The following GCNT3 variants were observed in gnomAD, a reference collection of about 807,000 sequenced individuals.
GCNT3 encodes the protein glucosaminyl (N-acetyl) transferase 3, mucin type.
For missense variants in GCNT3, 708 were observed against 530.3 expected (o/e 1.34, Z -3.29); for synonymous variants, 269 against 195.2 (o/e 1.38, Z -3.15).
chr15:59,618,231 C>T lies in GCNT3; in HGVS notation c.-8C>T, dbSNP rs747528049. On this transcript the variant is annotated 5_prime_UTR_variant, in exon 3 of 3. Coordinates refer to ENST00000396065, the MANE Select transcript of GCNT3 (RefSeq NM_004751.3). ...GCTCGGTCTCCACCTGTCTCCCATT[C>T]TGTGACGATGGTTCAATGGAAGAGA... 9 of 1,508,242 alleles carry T rather than the reference C, an allele frequency of 6.0e-6. No individual in the cohort carries two copies. The Admixed American group carries it at 1.5e-4, about 26-fold the overall frequency. 93.4% of individuals were successfully genotyped at this position (1,508,242 alleles called of 1,614,324 possible).
Position 59,618,994 on chromosome 15 carries a change from G to T in GCNT3, c.756G>T (p.Met252Ile). Reference sequence around the variant, plus strand: ...AGATGTTGAATGGGAGGAATAGCATGGAGTCAGAGGTACCTCCTAAGCACA... The same window carrying T: ...AGATGTTGAATGGGAGGAATAGCATTGAGTCAGAGGTACCTCCTAAGCACA... ...ALKMLNGRNS[M>I]ESEVPPKHKE... Residue 252 changes from methionine to isoleucine, a missense_variant, in exon 3 of 3, where the codon ATG becomes ATT. Coordinates refer to ENST00000396065, the MANE Select transcript of GCNT3 (RefSeq NM_004751.3). 1 of 1,614,096 alleles carries T rather than the reference G, an allele frequency of 6.2e-7. No homozygotes were observed. Among genetic ancestry groups the T allele is most frequent in the African/African-American group, 1.3e-5 (1 of 75,010 alleles).
chr15:59,612,174 T>C (rs1295689316), intron 1 of GCNT3, among the ~76,000 whole-genome samples, 193 bp downstream of exon 1: 1 of 152,220 alleles, frequency 6.6e-6, no homozygotes, highest in Admixed American at 6.6e-5. Context: ...CCTAGCTTAG[T>C]TTCTCTGTTT....
In GCNT3 at chr15:59,616,085, T is replaced by TA. The variant is rs1185373256; in HGVS notation, c.-250-607_-250-606insA. On this transcript the variant is annotated intron_variant, in intron 1 of 2. Coordinates refer to ENST00000396065, the MANE Select transcript of GCNT3 (RefSeq NM_004751.3). Reference sequence around the variant, plus strand: ...AACAGCCCATAGTGTAATCCATTCCTTAGACTGCCAACAGCTCTAGACTCA... The same window carrying TA: ...AACAGCCCATAGTGTAATCCATTCCTATAGACTGCCAACAGCTCTAGACTCA... Among the ~76,000 whole-genome samples the TA allele has an allele frequency of 1.7e-4, 26 of 152,294 alleles. No individual in the cohort carries two copies. The East Asian group carries it at 2.9e-3, about 17-fold the overall frequency.
intron 1 of GCNT3, 79 bp from the exon 2 acceptor site, chr15:59,616,613 C>G (rs1343352803): frequency 6.6e-6 from 1 of 152,228 alleles, no homozygotes; most frequent in Non-Finnish European, 1.5e-5. Flanking sequence ...TGCATGATTT[C>G]TCTGAGCTTG....
chr15:59,620,199 G>A lies in GCNT3; in HGVS notation c.*644G>A, dbSNP rs1219629867. Reference sequence around the variant, plus strand: ...AATTTTTTTTTTGAGACAGAGTCTTGCTCTGTCACCCAGGCTGGACTGCAG... The same window carrying A: ...AATTTTTTTTTTGAGACAGAGTCTTACTCTGTCACCCAGGCTGGACTGCAG... On this transcript the variant is annotated 3_prime_UTR_variant, in exon 3 of 3. Coordinates refer to ENST00000396065, the MANE Select transcript of GCNT3 (RefSeq NM_004751.3). 61 of 165,830 alleles carry A rather than the reference G, an allele frequency of 3.7e-4. No individual in the cohort carries two copies. The highest frequency in any genetic ancestry group is 2.6e-4 in the Non-Finnish European group (18 of 68,140). 10.3% of individuals were successfully genotyped at this position (165,830 alleles called of 1,614,324 possible).
In GCNT3 at chr15:59,622,521, C is replaced by T. The variant is rs1404629834; in HGVS notation, c.*2966C>T. ...AGTGGTGATCGATCACGGCCTCCCC[C>T]TGCTGGCTGATGTGATGGTCCTTGG... On this transcript the variant is annotated 3_prime_UTR_variant, in exon 3 of 3. Transcript: ENST00000396065. 1 of 152,102 alleles carries T rather than the reference C, an allele frequency of 6.6e-6. No homozygotes were observed. The highest frequency in any genetic ancestry group is 1.5e-5 in the Non-Finnish European group (1 of 68,052). The allele number at this position is 152,102 out of a possible 1,614,324, so 9.4% of individuals were successfully genotyped here.
rs757351680 is a variant in GCNT3 at position 59,619,260 on chromosome 15, G to A, written c.1022G>A (p.Trp341Ter). The A allele has an allele frequency of 2.4e-5, 39 of 1,614,004 alleles. No homozygotes were observed. The highest frequency in any genetic ancestry group is 3.3e-5 in the Non-Finnish European group (39 of 1,180,038). Residue 341 changes from tryptophan to a stop codon, truncating the protein, a stop_gained, in exon 3 of 3, where the codon TGG (tryptophan) becomes TAG (stop). Transcript: ENST00000396065. LOFTEE classifies it low-confidence loss of function (END_TRUNC). ...HLWATLQRAR[W>*]MPGSVPNHPK... ...TGGGCCACCCTTCAGCGTGCACGGT[G>A]GATGCCTGGCTCTGTTCCCAACCAC...
rs1340502049 is a variant in GCNT3, at chr15:59,618,451, A to G, written c.213A>G (p.Ser71=). 3.7e-6 allele frequency: 6 copies of G among 1,613,822 alleles called. No homozygotes were observed. The highest frequency in any genetic ancestry group is 3.4e-6 in the Non-Finnish European group (4 of 1,179,806). Reference sequence around the variant, plus strand: ...CAGCAAAGAGGTCTATCAACTGTTCAGGGGTCACCCGAGGGGACCAAGAGG... The same window carrying G: ...CAGCAAAGAGGTCTATCAACTGTTCGGGGGTCACCCGAGGGGACCAAGAGG... ...KLPAKRSINC[S]GVTRGDQEAV... Residue 71 remains serine, a synonymous_variant, in exon 3 of 3, where the codon TCA becomes TCG. Coordinates refer to ENST00000396065, the MANE Select transcript of GCNT3 (RefSeq NM_004751.3).
rs746241614 is a variant in GCNT3, at chr15:59,618,978, A to G, written c.740A>G (p.Asn247Ser). The G allele has an allele frequency of 2.5e-6, 4 of 1,614,142 alleles. No homozygotes were observed. The East Asian group carries it at 8.9e-5, about 36-fold the overall frequency. ...AEMVQALKML[N>S]GRNSMESEVP... is the part of the protein sequence containing the mutation. ...ATGGTCCAGGCTCTCAAGATGTTGA[A>G]TGGGAGGAATAGCATGGAGTCAGAG... Residue 247 changes from asparagine to serine, a missense_variant, in exon 3 of 3, where the codon AAT becomes AGT. Coordinates refer to ENST00000396065, the MANE Select transcript of GCNT3 (RefSeq NM_004751.3).
intron 1 of GCNT3, among the ~76,000 whole-genome samples, chr15:59,613,533 ACAAT>A (rs1566904327): frequency 9.6e-6 from 1 of 104,550 alleles, no homozygotes; most frequent in African/African-American, 3.8e-5. Flanking sequence ...CTCCATCTCT[ACAAT>A]AAATAAATAA....
chr15:59,613,632 A>G (rs1366162314), intron 1 of GCNT3, among the ~76,000 whole-genome samples: 1 of 152,168 alleles, frequency 6.6e-6, no homozygotes, highest in Non-Finnish European at 1.5e-5. Context: ...AGGCTGAGGT[A>G]GGAGGATCGC....
At position 59,619,219 on chromosome 15, in the gene GCNT3, C is replaced by G. The variant is rs2082735521; in HGVS notation, c.981C>G (p.Ser327Arg). The G allele has an allele frequency of 2.5e-6, 4 of 1,613,906 alleles. No homozygotes were observed. In the South Asian group the frequency reaches 3.3e-5, roughly 13 times the overall value. Residue 327 changes from serine (S) to arginine (R), a missense_variant, in exon 3 of 3, where the codon AGC becomes AGG. Coordinates refer to ENST00000396065, the MANE Select transcript of GCNT3 (RefSeq NM_004751.3). The part of the protein sequence containing the change: ...QLIEWVKDTY[S>R]PDEHLWATLQ... Reference sequence around the variant, plus strand: ...TTGAATGGGTAAAAGACACTTATAGCCCAGATGAACACCTCTGGGCCACCC... The same window carrying G: ...TTGAATGGGTAAAAGACACTTATAGGCCAGATGAACACCTCTGGGCCACCC...
rs547657096 is a variant in GCNT3 at position 59,612,841 on chromosome 15, T to C, written c.-251+860T>C. Among the ~76,000 whole-genome samples, 12 of 152,270 alleles carry C rather than the reference T, an allele frequency of 7.9e-5. No homozygotes were observed. In the South Asian group the frequency reaches 2.1e-3, roughly 26 times the overall value. On this transcript the variant is annotated intron_variant, in intron 1 of 2. Coordinates refer to ENST00000396065, the MANE Select transcript of GCNT3 (RefSeq NM_004751.3). Reference sequence around the variant, plus strand: ...CAGTTGCAGCTCATCCCTGGTCTTATTCTGCCTGAGGTGCTGAGGGTGACA... The same window carrying C: ...CAGTTGCAGCTCATCCCTGGTCTTACTCTGCCTGAGGTGCTGAGGGTGACA...
rs764964638 is a variant in GCNT3 at position 59,619,202 on chromosome 15, G to C, written c.964G>C (p.Val322Leu). ...TAAATCCCAACAACTGATTGAATGG[G>C]TAAAAGACACTTATAGCCCAGATGA... ...NPKSQQLIEW[V>L]KDTYSPDEHL... is the part of the protein sequence containing the mutation. The change falls in exon 3 of 3, where the codon GTA (valine) becomes CTA (leucine). Residue 322 changes from valine (V) to leucine (L), a missense_variant. Coordinates refer to ENST00000396065, the MANE Select transcript of GCNT3 (RefSeq NM_004751.3). 6.2e-7 allele frequency: 1 copy of C among 1,613,946 alleles called. No homozygotes were observed. Among genetic ancestry groups the C allele is most frequent in the South Asian group, 1.1e-5 (1 of 91,060 alleles).
At chr15:59,614,462 T>C (rs1213689718) in intron 1 of GCNT3, among the ~76,000 whole-genome samples, 5 of 151,590 alleles carry the variant, frequency 3.3e-5, no homozygotes, top group South Asian at 2.1e-4. Context: ...ATAGCAGCCC[T>C]GAGGGGACTA....
At position 59,621,946 on chromosome 15, in the gene GCNT3, A is replaced by C. The variant is rs562055612; in HGVS notation, c.*2391A>C. 1 of 151,708 alleles carries C rather than the reference A, an allele frequency of 6.6e-6. No individual in the cohort carries two copies. Among genetic ancestry groups the C allele is most frequent in the Non-Finnish European group, 1.5e-5 (1 of 67,914 alleles). 9.4% of individuals were successfully genotyped at this position (151,708 alleles called of 1,614,324 possible). ...TTCATCAAGTTTTCTGTCATGATCA[A>C]CTTTCTCTATGCAAACCCTGTAACT... On this transcript the variant is annotated 3_prime_UTR_variant, in exon 3 of 3. Coordinates refer to ENST00000396065, the MANE Select transcript of GCNT3 (RefSeq NM_004751.3).
rs1595658606 is a variant in GCNT3, at chr15:59,622,359, A to C, written c.*2804A>C. On this transcript the variant is annotated 3_prime_UTR_variant, in exon 3 of 3. Coordinates refer to ENST00000396065, the MANE Select transcript of GCNT3 (RefSeq NM_004751.3). Reference sequence around the variant, plus strand: ...TTTTTTTGGTAAGGTTGTACTTCTTAGATAATGGTCATTGTCACTACCAAC... The same window carrying C: ...TTTTTTTGGTAAGGTTGTACTTCTTCGATAATGGTCATTGTCACTACCAAC... 1 of 151,806 alleles carries C rather than the reference A, an allele frequency of 6.6e-6. No homozygotes were observed. The highest frequency in any genetic ancestry group is 1.9e-4 in the East Asian group (1 of 5,176). The allele number at this position is 151,806 out of a possible 1,614,324, so 9.4% of individuals were successfully genotyped here.
intron 2 of GCNT3, among the ~76,000 whole-genome samples, chr15:59,617,293 C>G (rs1471889138): frequency 6.6e-6 from 1 of 150,620 alleles, no homozygotes; most frequent in African/African-American, 2.4e-5. Flanking sequence ...TCAAAGGTAG[C>G]TGTGGTTTGT....
chr15:59,619,270 C>T lies in GCNT3; in HGVS notation c.1032C>T (p.Gly344=). The change falls in exon 3 of 3, where the codon GGC becomes GGT. Residue 344 remains glycine (G), a synonymous_variant. Coordinates refer to ENST00000396065, the MANE Select transcript of GCNT3 (RefSeq NM_004751.3). ...ATLQRARWMP[G]SVPNHPKYDI... Reference sequence around the variant, plus strand: ...TTCAGCGTGCACGGTGGATGCCTGGCTCTGTTCCCAACCACCCCAAGTACG... The same window carrying T: ...TTCAGCGTGCACGGTGGATGCCTGGTTCTGTTCCCAACCACCCCAAGTACG... 6.2e-7 allele frequency: 1 copy of T among 1,614,132 alleles called. No homozygotes were observed. The highest frequency in any genetic ancestry group is 8.5e-7 in the Non-Finnish European group (1 of 1,180,030).
Sources: gnomAD v4.1 joint callset for allele counts (sites outside exome capture counted in the v4.1 genomes callset) on GRCh38, gnomAD v4.1.1 for gene constraint, MANE v1.5 for transcripts, NCBI Gene and HGNC (gene_info 2026-07-23, HGNC 2026-07-21) for gene names.